Variants in PHF3 observed in about 807,000 individuals in gnomAD.
The protein encoded by PHF3 is PHD finger protein 3.
In PHF3, 41 loss-of-function variants were observed where a neutral mutation model predicts 178.4. That is an observed-to-expected ratio of 0.23 (90% CI 0.18 to 0.30). PHF3 has a LOEUF of 0.30. PHF3 is among the 10% of genes least tolerant of loss of function. PHF3 has a pLI of 1.00. For missense variants in PHF3, 2,346 were observed against 2,398.1 expected (o/e 0.98, Z 0.45); for synonymous variants, 842 against 800.5 (o/e 1.05, Z -0.88).
chr6:63,720,567 T>C lies in PHF3; in HGVS notation c.*6859T>C, dbSNP rs192504013. ...CTATCAAAATAACTGCATTTATGTA[T>C]AGTGTGTACTAAAATCTCTAGTGTT... On this transcript the variant is annotated 3_prime_UTR_variant, in exon 16 of 16. Coordinates refer to ENST00000262043, the MANE Select transcript of PHF3 (RefSeq NM_001370348.2). 2.7e-4 allele frequency: 383 copies of C among 1,411,168 alleles called. 1 individual carries two copies. The African/African-American group carries it at 4.9e-3, about 18-fold the overall frequency. 87.4% of individuals were successfully genotyped at this position (1,411,168 alleles called of 1,614,324 possible).
intron 2 of PHF3, among the ~76,000 whole-genome samples, chr6:63,657,955 A>G (rs1419215029): frequency 6.6e-6 from 1 of 152,172 alleles, no homozygotes; most frequent in Non-Finnish European, 1.5e-5. Context: ...GGTGAGAAGT[A>G]CCTTATCATT....
In PHF3 at chr6:63,665,510, A is replaced by G. The variant is rs1319694996; in HGVS notation, c.245-14490A>G. On this transcript the variant is annotated intron_variant, in intron 2 of 15. Coordinates refer to ENST00000262043, the MANE Select transcript of PHF3 (RefSeq NM_001370348.2). ...TGTTTTTTTTTTTTTTTTTTGAGAC[A>G]GAGTCTTGCTCTGTTGCCCAGGATG... Among the ~76,000 whole-genome samples, 23 of 125,790 alleles carry G rather than the reference A, an allele frequency of 1.8e-4. No homozygotes were observed. In the Admixed American group the frequency reaches 2.0e-3, roughly 11 times the overall value. 82.5% of individuals were successfully genotyped at this position (125,790 alleles called of 152,430 possible).
chr6:63,648,314 T>A (rs886912018), intron 2 of PHF3, among the ~76,000 whole-genome samples: 2 of 152,226 alleles, frequency 1.3e-5, no homozygotes, highest in African/African-American at 4.8e-5. Flanking sequence ...TCTTTATTTT[T>A]AAGCATTTTT....
intron 14 of PHF3, among the ~76,000 whole-genome samples, chr6:63,710,156 T>C (rs1353449115): frequency 6.6e-6 from 1 of 152,188 alleles, no homozygotes; most frequent in Non-Finnish European, 1.5e-5. Flanking sequence ...CCAGTATAGA[T>C]TTTTAGAATT....
chr6:63,688,446 C>T (rs1582083370), intron 4 of PHF3, among the ~76,000 whole-genome samples: 2 of 147,028 alleles, frequency 1.4e-5, no homozygotes, highest in South Asian at 4.5e-4. Context: ...AGTGATTCTC[C>T]TGCCTCGGCC....
intron 2 of PHF3, among the ~76,000 whole-genome samples, chr6:63,656,840 G>A (rs1393011597): frequency 1.3e-5 from 2 of 152,048 alleles, no homozygotes; most frequent in Admixed American, 1.3e-4. Context: ...TTGTTTCTTA[G>A]CCATCTAGCA....
chr6:63,668,492 C>T (rs1042497860), intron 2 of PHF3, among the ~76,000 whole-genome samples: 4 of 152,066 alleles, frequency 2.6e-5, no homozygotes, highest in African/African-American at 9.7e-5. Context: ...TACCATCATA[C>T]CTGCTAATTT....
intron 2 of PHF3, among the ~76,000 whole-genome samples, chr6:63,657,569 G>A (rs1765291267): frequency 6.6e-6 from 1 of 152,118 alleles, no homozygotes; most frequent in Non-Finnish European, 1.5e-5. Flanking sequence ...AAGTGGAAGT[G>A]GATCATTAAA....
In PHF3 at chr6:63,721,298, G is replaced by T; in HGVS notation, c.*7590G>T. The T allele has an allele frequency of 6.4e-7, 1 of 1,551,896 alleles. No individual in the cohort carries two copies. Among genetic ancestry groups the T allele is most frequent in the Non-Finnish European group, 8.7e-7 (1 of 1,146,988 alleles). On this transcript the variant is annotated 3_prime_UTR_variant, in exon 16 of 16. Transcript: ENST00000262043. ...GATTATTCAAACAGGACACAGACTG[G>T]TTACATGTATTTCCAGCCCAATCTG...
chr6:63,712,486 A>G lies in PHF3; in HGVS notation c.4898A>G (p.Glu1633Gly), dbSNP rs1582127536. 1.9e-6 allele frequency: 3 copies of G among 1,613,948 alleles called. No homozygotes were observed. Among genetic ancestry groups the G allele is most frequent in the Non-Finnish European group, 2.5e-6 (3 of 1,179,910 alleles). The part of the protein sequence containing the change: ...GNIDGNVSCS[E>G]NLVANTARSP... ...ATAGATGGTAATGTGAGCTGTAGTG[A>G]AAACCTTGTTGCTAATACAGCGAGG... The change falls in exon 16 of 16, where the codon GAA becomes GGA. Residue 1633 changes from glutamate to glycine, a missense_variant. By Grantham distance (98) the Glu-to-Gly change is moderately conservative (BLOSUM62 -2). Transcript: ENST00000262043.
chr6:63,712,336 A>C lies in PHF3; in HGVS notation c.4748A>C (p.Glu1583Ala), dbSNP rs200520500. The change falls in exon 16 of 16, where the codon GAG becomes GCG. Residue 1583 changes from glutamate (E) to alanine (A), a missense_variant. Glu to Ala is a moderately radical substitution (Grantham distance 107, BLOSUM62 -1). Around this residue, in one of 8 missense-constraint regions of PHF3, gnomAD observed 839 missense variants for 806.9 expected, o/e 1.04. Transcript: ENST00000262043. ...AATTTATCAATTCAGTCAAAACAAG[A>C]GGAAACTGTGGAGAGTAAAGAGAAA... is the stretch of plus-strand genomic sequence containing the variant. Reference protein sequence around the residue: ...LTNLSIQSKQEETVESKEKTL... With the variant: ...LTNLSIQSKQAETVESKEKTL... The C allele has an allele frequency of 9.3e-6, 15 of 1,613,240 alleles. No individual in the cohort carries two copies. The Admixed American group carries it at 1.7e-4, about 18-fold the overall frequency.
intron 2 of PHF3, among the ~76,000 whole-genome samples, chr6:63,652,548 C>T (rs1765062127): frequency 6.6e-6 from 1 of 152,076 alleles, no homozygotes; most frequent in Non-Finnish European, 1.5e-5. Context: ...TTGATCTAAT[C>T]CCAATTGTCT....
chr6:63,695,978 G>A (rs759762031), intron 6 of PHF3, among the ~76,000 whole-genome samples: 11 of 152,158 alleles, frequency 7.2e-5, no homozygotes, highest in Non-Finnish European at 1.5e-5. Flanking sequence ...GACTTTGGAG[G>A]TTGGTATATA....
rs543428175 is a variant in PHF3 at position 63,673,122 on chromosome 6, T to C, written c.245-6878T>C. Among the ~76,000 whole-genome samples, 105 of 152,238 alleles carry C rather than the reference T, an allele frequency of 6.9e-4. 2 individuals are homozygous for C. In the South Asian group the frequency reaches 0.021, roughly 30 times the overall value. On this transcript the variant is annotated intron_variant, in intron 2 of 15. Coordinates refer to ENST00000262043, the MANE Select transcript of PHF3 (RefSeq NM_001370348.2). ...TGTTTTGTCTATGCTTGGGATTTTT[T>C]TTTTTAATGTCAACAATCTTGTATT...
chr6:63,643,170 A>G (rs1280610688), intron 1 of PHF3, among the ~76,000 whole-genome samples: 3 of 152,012 alleles, frequency 2.0e-5, no homozygotes, highest in Non-Finnish European at 4.4e-5. Flanking sequence ...AGGGTACCAC[A>G]TTGTGTTTAA....
intron 1 of PHF3, among the ~76,000 whole-genome samples, chr6:63,638,557 T>G (rs1399763443): frequency 6.6e-6 from 1 of 152,102 alleles, no homozygotes; most frequent in African/African-American, 2.4e-5. Context: ...TGGTCAACAT[T>G]TAGGTTTGTG....
chr6:63,643,806 T>C (rs1325623472), intron 1 of PHF3, among the ~76,000 whole-genome samples: 2 of 152,202 alleles, frequency 1.3e-5, no homozygotes, highest in East Asian at 3.9e-4. Flanking sequence ...TACAATATGC[T>C]TTATTTAAAA....
intron 14 of PHF3, 101 bp downstream of exon 14, chr6:63,709,341 G>A: frequency 1.3e-6 from 1 of 782,260 alleles, no homozygotes. Flanking sequence ...GGGGAAAGGA[G>A]GCAATACACA....
intron 2 of PHF3, among the ~76,000 whole-genome samples, chr6:63,676,940 A>G (rs1031492957): frequency 1.3e-5 from 2 of 152,124 alleles, no homozygotes; most frequent in Non-Finnish European, 2.9e-5. Flanking sequence ...AGCTAGCAGG[A>G]TATGCCGATA....
Sources: allele counts gnomAD v4.1 joint callset (sites outside exome capture counted in the v4.1 genomes callset), GRCh38; gene constraint gnomAD v4.1.1; regional missense constraint gnomAD v4.1.1; transcripts MANE v1.5; gene names NCBI Gene and HGNC (gene_info 2026-07-23, HGNC 2026-07-21).